Variants in SEPTIN3 observed in about 807,000 individuals in gnomAD.
SEPTIN3 encodes the protein neuronal-specific septin-3.
Under a neutral mutation model 45.1 loss-of-function variants are expected in SEPTIN3, and 15 were observed. The observed-to-expected ratio is 0.33, with a 90% CI of 0.22 to 0.51. SEPTIN3 has a LOEUF of 0.51. Among genes scored for constraint, SEPTIN3 ranks in the 20% least tolerant of loss-of-function variants. SEPTIN3 has a pLI of 0.97. For synonymous variants in SEPTIN3, 148 were observed against 164.8 expected (o/e 0.90, Z 0.78); for missense variants, 289 against 457.2 (o/e 0.63, Z 3.35).
intron 2 of SEPTIN3, among the ~76,000 whole-genome samples, chr22:41,974,860 GAAAAAAAAAAAAAAA>G (rs55642127): frequency 2.7e-5 from 2 of 74,290 alleles, no homozygotes; most frequent in African/African-American, 5.1e-5. Flanking sequence ...GTCTCAAAAA[GAAAAAAAAAAAAAAA>G]AAAAAAAAAA....
chr22:41,977,279 AG>A (rs1342431295), intron 2 of SEPTIN3, among the ~76,000 whole-genome samples: 2 of 152,034 alleles, frequency 1.3e-5, no homozygotes, highest in African/African-American at 4.8e-5. Context: ...GGGGAGACGC[AG>A]GGACCCACGG....
chr22:41,993,991 A>G (rs2078373111), intron 9 of SEPTIN3, among the ~76,000 whole-genome samples: 1 of 152,260 alleles, frequency 6.6e-6, no homozygotes, highest in Non-Finnish European at 1.5e-5. Context: ...GGCCTTGGCC[A>G]GTTTCTCAGA....
At chr22:41,986,241 C>A (rs778291923) in intron 4 of SEPTIN3, 129 bp downstream of exon 4, 4 of 1,132,010 alleles carry the variant, frequency 3.5e-6, no homozygotes, top group Non-Finnish European at 3.7e-6. Flanking sequence ...GACGTGAGCA[C>A]TTCACTCTGA....
chr22:41,985,571 C>A (rs903672517), intron 3 of SEPTIN3: 1 of 162,564 alleles, frequency 6.2e-6, no homozygotes, highest in African/African-American at 2.4e-5. Context: ...ATTTGGCTAA[C>A]AAATGTGAAT....
Position 41,994,894 on chromosome 22 carries a change from TG to T in SEPTIN3, c.2505+181del. ...GTGGAGCATCTTGTCTGTGTGTGTG[TG>T]TGTGTGTGTGTGTGTGTGTGTGTGT... is the stretch of plus-strand genomic sequence containing the variant. On this transcript the variant is annotated intron_variant, in intron 11 of 11. Coordinates refer to ENST00000644076, the MANE Select transcript of SEPTIN3 (RefSeq NM_001363845.2). This position sits in a 1 kb window ranked among gnomAD's most constrained non-coding sequence, Gnocchi z 4.2. The T allele has an allele frequency of 6.9e-7, 1 of 1,441,870 alleles. No homozygotes were observed. The highest frequency in any genetic ancestry group is 9.2e-7 in the Non-Finnish European group (1 of 1,089,160). The allele number at this position is 1,441,870 out of a possible 1,614,324, so 89.3% of individuals were successfully genotyped here.
At chr22:41,987,504 C>T in intron 5 of SEPTIN3, 118 bp from the exon 6 acceptor site, 1 of 1,327,352 alleles carries the variant, frequency 7.5e-7, no homozygotes, top group Non-Finnish European at 1.1e-6. Flanking sequence ...CAGCAGGTAT[C>T]CTAGGCCCAC....
intron 11 of SEPTIN3, chr22:41,995,419 C>T: frequency 2.0e-6 from 2 of 985,686 alleles, no homozygotes; most frequent in Non-Finnish European, 1.2e-6. Context: ...CCACCTGTCA[C>T]CAGAGCCTAC....
intron 2 of SEPTIN3, among the ~76,000 whole-genome samples, chr22:41,980,012 G>A (rs1245279944): frequency 6.6e-6 from 1 of 152,050 alleles, no homozygotes; most frequent in African/African-American, 2.4e-5. Flanking sequence ...TTGTGTAACT[G>A]GCATCTGGGG....
At chr22:41,996,264 A>G (rs937353002) in intron 11 of SEPTIN3, 40 of 985,108 alleles carry the variant, frequency 4.1e-5, no homozygotes, top group Non-Finnish European at 4.7e-5. Flanking sequence ...CAAGTAAGTT[A>G]CTCTTTTCCT....
At position 41,994,885 on chromosome 22, in the gene SEPTIN3, G is replaced by GTC; in HGVS notation, c.2505+172_2505+173insCT. On this transcript the variant is annotated intron_variant, in intron 11 of 11. Transcript: ENST00000644076. The surrounding 1 kb of genome is among the most constrained non-coding windows in gnomAD (Gnocchi z 4.2). ...CTGGTATTTGTGGAGCATCTTGTCTGTGTGTGTGTGTGTGTGTGTGTGTGT... is the reference window on the plus strand; with the variant it reads ...CTGGTATTTGTGGAGCATCTTGTCTGTCTGTGTGTGTGTGTGTGTGTGTGTGT... The GTC allele has an allele frequency of 3.8e-6, 1 of 264,840 alleles. No individual in the cohort carries two copies. Among genetic ancestry groups the GTC allele is most frequent in the Non-Finnish European group, 5.7e-6 (1 of 176,578 alleles). 16.4% of individuals were successfully genotyped at this position (264,840 alleles called of 1,614,324 possible).
In SEPTIN3 at chr22:41,981,760, C is replaced by T. The variant is rs565854048; in HGVS notation, c.1620C>T (p.Ile540=). The stretch of plus-strand genomic sequence containing the variant: ...TCAACTCCAACCTGCTGGGCTACAT[C>T]GGCATCGACACCATCATCGAGCAGA... ...MSINSNLLGY[I]GIDTIIEQMR... Residue 540 remains isoleucine (I), a synonymous_variant, in exon 3 of 12, where the codon ATC becomes ATT. Coordinates refer to ENST00000644076, the MANE Select transcript of SEPTIN3 (RefSeq NM_001363845.2). The T allele has an allele frequency of 1.4e-5, 22 of 1,614,050 alleles. No individual in the cohort carries two copies. Among genetic ancestry groups the T allele is most frequent in the East Asian group, 2.2e-5 (1 of 44,882 alleles).
chr22:41,984,490 G>C (rs2078170618), intron 3 of SEPTIN3, among the ~76,000 whole-genome samples: 2 of 152,166 alleles, frequency 1.3e-5, no homozygotes, highest in South Asian at 4.1e-4. Context: ...AGTCTTTCTT[G>C]TGGGATTCTT....
chr22:41,987,909 GC>G, intron 6 of SEPTIN3, 150 bp downstream of exon 6: 1 of 716,700 alleles, frequency 1.4e-6, no homozygotes, highest in Non-Finnish European at 2.1e-6. Flanking sequence ...CATAGTCATG[GC>G]CCATGACCTT....
chr22:41,979,206 TG>T (rs1410516470), intron 2 of SEPTIN3, among the ~76,000 whole-genome samples: 1 of 152,156 alleles, frequency 6.6e-6, no homozygotes, highest in Non-Finnish European at 1.5e-5. Flanking sequence ...CTTGGGGATC[TG>T]GTAGGACCCT....
rs56052820 is a variant in SEPTIN3 at position 41,994,020 on chromosome 22, T to C, written c.2360-270T>C. 0.019 allele frequency among the ~76,000 whole-genome samples: 2,859 copies of C among 152,326 alleles called. 102 individuals carry two copies. Among genetic ancestry groups the C allele is most frequent in the African/African-American group, 0.066 (2,724 of 41,580 alleles). On this transcript the variant is annotated intron_variant, in intron 9 of 11. Coordinates refer to ENST00000644076, the MANE Select transcript of SEPTIN3 (RefSeq NM_001363845.2). The surrounding 1 kb of genome is among the most constrained non-coding windows in gnomAD (Gnocchi z 4.2). ...TCTCAGACTTGGTATTAGTTTTCTC[T>C]TCTATAAAATGGTAAAAATTATAGT...
chr22:41,987,131 T>C (rs918429013), intron 4 of SEPTIN3, 75 bp from the exon 5 acceptor site: 2 of 1,201,786 alleles, frequency 1.7e-6, no homozygotes, highest in Non-Finnish European at 2.4e-6. Flanking sequence ...TGGGTCTCCC[T>C]GGCTAGTAGG....
At chr22:41,996,026 T>C (rs2078429635) in intron 11 of SEPTIN3, 2 of 985,430 alleles carry the variant, frequency 2.0e-6, no homozygotes, top group African/African-American at 3.5e-5. Context: ...GGCTTCTCTG[T>C]TGCTCCATTT....
chr22:41,977,183 C>T (rs1395464180), intron 2 of SEPTIN3: 2 of 1,114,360 alleles, frequency 1.8e-6, no homozygotes, highest in Non-Finnish European at 2.5e-6. Flanking sequence ...GGAGCCCACG[C>T]GCGGTGACAG....
rs1285757205 is a variant in SEPTIN3, at chr22:41,971,788, G to A, written c.296G>A (p.Ser99Asn). Reference protein sequence around the residue: ...LGASLSPLPTSSLVPRKLSSI... With the variant: ...LGASLSPLPTNSLVPRKLSSI... ...GCTTCCTTGAGCCCCCTGCCCACCA[G>A]CAGCCTTGTACCCAGGAAGCTCAGC... The change falls in exon 2 of 12, where the codon AGC (serine) becomes AAC (asparagine). Residue 99 changes from serine (S) to asparagine (N), a missense_variant. Physicochemically the swap from Ser to Asn is conservative, Grantham distance 46 (BLOSUM62 1). Transcript: ENST00000644076. 1.3e-5 allele frequency: 5 copies of A among 399,162 alleles called. No individual in the cohort carries two copies. Among genetic ancestry groups the A allele is most frequent in the Non-Finnish European group, 2.2e-5 (5 of 226,282 alleles). 24.7% of individuals were successfully genotyped at this position (399,162 alleles called of 1,614,324 possible).
Sources: gnomAD v4.1 joint callset for allele counts (sites outside exome capture counted in the v4.1 genomes callset) on GRCh38, gnomAD v4.1.1 for gene constraint, Gnocchi (gnomAD v3.1) non-coding constraint, MANE v1.5 for transcripts, NCBI Gene and HGNC (gene_info 2026-07-23, HGNC 2026-07-21) for gene names.